The following KCNIP4 variants were observed in gnomAD, a reference collection of about 807,000 sequenced individuals.
KCNIP4 encodes the protein potassium voltage-gated channel interacting protein 4.
A neutral mutation model predicts 34.0 loss-of-function variants in KCNIP4; 12 were observed. The observed-to-expected ratio is 0.35, with a 90% confidence interval of 0.23 to 0.57. KCNIP4 has a LOEUF of 0.57. Among genes scored for constraint, KCNIP4 ranks in the 20% least tolerant of loss-of-function variants. The pLI is 0.83. For missense variants in KCNIP4, 238 were observed against 311.7 expected (o/e 0.76, Z 1.78); for synonymous variants, 124 against 102.2 (o/e 1.21, Z -1.29).
chr4:21,070,437 GTACTGGCT>G (rs147323103), intron 1 of KCNIP4, among the ~76,000 whole-genome samples: 3,523 of 151,704 alleles, frequency 0.023, 123 homozygotes, highest in African/African-American at 0.08. Context: ...TTTGAGTGGT[GTACTGGCT>G]TATATTTCCA....
chr4:20,920,845 C>G (rs1729327168), intron 1 of KCNIP4, among the ~76,000 whole-genome samples: 1 of 151,956 alleles, frequency 6.6e-6, no homozygotes, highest in Admixed American at 6.6e-5. Context: ...CAAAGTAAGC[C>G]AGGTGTGGTG....
chr4:21,021,925 ATAAAGTCATGTAT>A (rs1740106385), intron 1 of KCNIP4, among the ~76,000 whole-genome samples: 1 of 146,606 alleles, frequency 6.8e-6, no homozygotes, highest in Non-Finnish European at 1.5e-5. Context: ...TAAACCAGTA[ATAAAGTCATGTAT>A]TATCATTAGC....
intron 1 of KCNIP4, among the ~76,000 whole-genome samples, chr4:21,013,270 T>C (rs1739222502): frequency 6.6e-6 from 1 of 151,786 alleles, no homozygotes; most frequent in Non-Finnish European, 1.5e-5. Flanking sequence ...CTAGGAAAAA[T>C]GAAGATTGCA....
chr4:21,239,640 A>G (rs1009342156), intron 1 of KCNIP4, among the ~76,000 whole-genome samples: 32 of 152,292 alleles, frequency 2.1e-4, no homozygotes, highest in African/African-American at 6.0e-4. Flanking sequence ...ATCATCACTG[A>G]CCATCAGATA....
intron 1 of KCNIP4, among the ~76,000 whole-genome samples, chr4:21,187,066 G>T (rs1755286473): frequency 6.6e-6 from 1 of 152,188 alleles, no homozygotes; most frequent in African/African-American, 2.4e-5. Context: ...AGGCAATGTG[G>T]ATATTTTCTC....
intron 1 of KCNIP4, among the ~76,000 whole-genome samples, chr4:21,458,573 G>A (rs1238153677): frequency 1.3e-5 from 2 of 152,000 alleles, no homozygotes; most frequent in African/African-American, 2.4e-5. Flanking sequence ...TTGGCAAGAG[G>A]TATAGTAGGA....
At chr4:20,934,240 A>G (rs990540313) in intron 1 of KCNIP4, among the ~76,000 whole-genome samples, 2 of 152,264 alleles carry the variant, frequency 1.3e-5, no homozygotes, top group Admixed American at 1.3e-4. Context: ...ACGTACCCAC[A>G]TATTCAGTCA....
intron 1 of KCNIP4, among the ~76,000 whole-genome samples, chr4:21,117,300 C>CAG: frequency 3.1e-5 from 1 of 32,598 alleles, no homozygotes; most frequent in East Asian, 3.3e-3. Flanking sequence ...CCGGGGTTGC[C>CAG]GGGGGGGGGG....
chr4:21,043,024 T>C (rs28681547), intron 1 of KCNIP4, among the ~76,000 whole-genome samples: 3,550 of 152,328 alleles, frequency 0.023, 128 homozygotes, highest in African/African-American at 0.08. Flanking sequence ...GCCAAGTGCT[T>C]TGAAGGCTCT....
At chr4:21,131,606 T>C (rs1751078780) in intron 1 of KCNIP4, among the ~76,000 whole-genome samples, 1 of 151,924 alleles carries the variant, frequency 6.6e-6, no homozygotes, top group African/African-American at 2.4e-5. Context: ...GGAGACTCAG[T>C]CTCAAAACAA....
chr4:20,801,052 A>T (rs1477910242), intron 3 of KCNIP4, among the ~76,000 whole-genome samples: 1 of 152,220 alleles, frequency 6.6e-6, no homozygotes, highest in Admixed American at 6.5e-5. Context: ...CAAGTCACAT[A>T]CAAGGGAATC....
chr4:21,415,442 G>T (rs1451483130), intron 1 of KCNIP4, among the ~76,000 whole-genome samples: 2 of 151,642 alleles, frequency 1.3e-5, no homozygotes, highest in South Asian at 2.1e-4. Context: ...AAAGGTAAGG[G>T]ACACATTAGG....
intron 1 of KCNIP4, among the ~76,000 whole-genome samples, chr4:21,258,043 A>C (rs1761195018): frequency 6.6e-6 from 1 of 152,158 alleles, no homozygotes; most frequent in South Asian, 2.1e-4. Flanking sequence ...CTCTTCTTTT[A>C]AATTATGTAA....
intron 1 of KCNIP4, among the ~76,000 whole-genome samples, chr4:21,604,255 A>G (rs1021862): frequency 0.66 from 99,820 of 151,912 alleles, 33,442 homozygotes; most frequent in East Asian, 0.87. Context: ...ATTGTTTAGA[A>G]ACCTAAGAGT....
intron 2 of KCNIP4, among the ~76,000 whole-genome samples, chr4:20,852,470 A>C (rs1721139351): frequency 6.6e-6 from 1 of 152,200 alleles, no homozygotes; most frequent in South Asian, 2.1e-4. Flanking sequence ...TACAAGGCAC[A>C]TACCTTAATG....
intron 1 of KCNIP4, among the ~76,000 whole-genome samples, chr4:21,329,951 GTAGAATCTTAAC>G (rs1715463215): frequency 6.6e-6 from 1 of 152,150 alleles, no homozygotes; most frequent in African/African-American, 2.4e-5. Flanking sequence ...GCCTCCTTAA[GTAGAATCTTAAC>G]ATGGCAACTA....
chr4:21,399,458 A>G (rs1723284169), intron 1 of KCNIP4, among the ~76,000 whole-genome samples: 1 of 152,226 alleles, frequency 6.6e-6, no homozygotes, highest in South Asian at 2.1e-4. Context: ...TCCTAATGAC[A>G]TATTAAATTA....
intron 3 of KCNIP4, among the ~76,000 whole-genome samples, chr4:20,795,243 G>C (rs1713299560): frequency 6.6e-6 from 1 of 152,056 alleles, no homozygotes; most frequent in Non-Finnish European, 1.5e-5. Flanking sequence ...ATAGAAGCAA[G>C]ATCTTCTTAG....
At chr4:21,660,594 A>G (rs1359140102) in intron 1 of KCNIP4, among the ~76,000 whole-genome samples, 2 of 152,152 alleles carry the variant, frequency 1.3e-5, no homozygotes, top group African/African-American at 4.8e-5. Flanking sequence ...AACATGCCCT[A>G]CTTCTGGCAT....
Sources: gnomAD v4.1 joint callset for allele counts (sites outside exome capture counted in the v4.1 genomes callset) on GRCh38, gnomAD v4.1.1 for gene constraint, MANE v1.5 for transcripts, NCBI Gene and HGNC (gene_info 2026-07-23, HGNC 2026-07-21) for gene names.